Variants in SPIRE1 observed in about 807,000 individuals in gnomAD.
The protein encoded by SPIRE1 is protein spire homolog 1.
In SPIRE1, 40 loss-of-function variants were observed where a neutral mutation model predicts 94.1. The ratio of observed to expected loss-of-function variants is 0.43; its 90% CI spans 0.33 to 0.55. SPIRE1 has a LOEUF of 0.55. Among genes scored for constraint, SPIRE1 ranks in the 20% least tolerant of loss-of-function variants. The pLI is 0.06. For missense variants in SPIRE1, 838 were observed against 975.2 expected (o/e 0.86, Z 1.87); for synonymous variants, 376 against 371.7 (o/e 1.01, Z -0.13).
At chr18:12,587,550 T>G (rs943273618) in intron 2 of SPIRE1, among the ~76,000 whole-genome samples, 1 of 151,130 alleles carries the variant, frequency 6.6e-6, no homozygotes. Context: ...ACAAAACAGC[T>G]GATTCATCAA....
rs1180873589 is a variant in SPIRE1 at position 12,452,452 on chromosome 18, A to T, written c.1875+33T>A. ...CGTTAAAGAGGCAGTCACTAAAAGGAACACAAGTATAAATGAACCAAGCTT... is the reference window on the plus strand; with the variant it reads ...CGTTAAAGAGGCAGTCACTAAAAGGTACACAAGTATAAATGAACCAAGCTT... On this transcript the variant is annotated intron_variant, in intron 15 of 16. Transcript: ENST00000409402. 3.1e-6 allele frequency: 5 copies of T among 1,614,132 alleles called. No individual in the cohort carries two copies. The Admixed American group carries it at 8.3e-5, about 27-fold the overall frequency.
chr18:12,611,466 C>G (rs1227378178), intron 2 of SPIRE1, among the ~76,000 whole-genome samples: 1 of 152,194 alleles, frequency 6.6e-6, no homozygotes, highest in Non-Finnish European at 1.5e-5. Context: ...CTGCCAACAG[C>G]CAGATGAAGT....
chr18:12,574,293 G>T (rs146407870), intron 2 of SPIRE1, among the ~76,000 whole-genome samples: 1 of 152,124 alleles, frequency 6.6e-6, no homozygotes, highest in Non-Finnish European at 1.5e-5. Flanking sequence ...GTTAGAGAAC[G>T]GATTAAAAAT....
intron 10 of SPIRE1, 121 bp from the exon 11 acceptor site, chr18:12,465,079 A>C (rs1342353321): frequency 2.4e-6 from 2 of 817,256 alleles, no homozygotes; most frequent in African/African-American, 3.4e-5. Context: ...TCAAAGGTTC[A>C]AGGCAAGCAA....
chr18:12,517,404 ATCAAATATGTGGCTAGAAAGC>A (rs1303806337), intron 4 of SPIRE1, among the ~76,000 whole-genome samples: 6 of 152,250 alleles, frequency 3.9e-5, no homozygotes, highest in Non-Finnish European at 5.9e-5. Context: ...AACAAGCTTG[ATCAAATATGTGGCTAGAAAGC>A]TCAATTTTTC....
chr18:12,458,844 AT>A (rs1362005861), intron 12 of SPIRE1, among the ~76,000 whole-genome samples: 2 of 152,182 alleles, frequency 1.3e-5, no homozygotes, highest in Admixed American at 6.5e-5. Flanking sequence ...TTTTTCCTGC[AT>A]TTCATGACAA....
At chr18:12,594,861 C>T (rs1480047468) in intron 2 of SPIRE1, among the ~76,000 whole-genome samples, 2 of 152,214 alleles carry the variant, frequency 1.3e-5, no homozygotes, top group Non-Finnish European at 2.9e-5. Flanking sequence ...CCAATCCCTC[C>T]ACTTCCTCAG....
intron 5 of SPIRE1, among the ~76,000 whole-genome samples, chr18:12,508,951 A>G (rs2033933767): frequency 6.6e-6 from 1 of 152,238 alleles, no homozygotes; most frequent in Non-Finnish European, 1.5e-5. Context: ...CTGAGATTAC[A>G]GGCGTGAGGC....
At chr18:12,495,760 GCACACCTGTGGTC>G (rs2033433856) in intron 7 of SPIRE1, among the ~76,000 whole-genome samples, 1 of 152,032 alleles carries the variant, frequency 6.6e-6, no homozygotes, top group African/African-American at 2.4e-5. Flanking sequence ...GCATGGTGGT[GCACACCTGTGGTC>G]CCAGCTACTT....
chr18:12,617,744 C>T (rs1047789212), intron 2 of SPIRE1, among the ~76,000 whole-genome samples: 6 of 152,042 alleles, frequency 3.9e-5, no homozygotes, highest in East Asian at 1.9e-4. Flanking sequence ...TTAGTAGAGA[C>T]GAGGTTTCAC....
intron 2 of SPIRE1, among the ~76,000 whole-genome samples, chr18:12,598,454 T>C (rs1039673816): frequency 6.6e-6 from 1 of 152,114 alleles, no homozygotes; most frequent in Non-Finnish European, 1.5e-5. Context: ...CTGTTTACAC[T>C]GTTTTTTTTT....
intron 7 of SPIRE1, among the ~76,000 whole-genome samples, chr18:12,495,797 G>A (rs1298015752): frequency 2.0e-5 from 3 of 152,022 alleles, no homozygotes; most frequent in Admixed American, 2.0e-4. Flanking sequence ...AGGCTGAGGT[G>A]GGAGGATCAC....
chr18:12,648,719 G>A (rs2038292570), intron 1 of SPIRE1, among the ~76,000 whole-genome samples: 1 of 151,790 alleles, frequency 6.6e-6, no homozygotes, highest in African/African-American at 2.4e-5. Flanking sequence ...GAGAAACTCC[G>A]TCTCTACTAA....
At chr18:12,461,418 G>A (rs890638398) in intron 12 of SPIRE1, among the ~76,000 whole-genome samples, 1 of 146,010 alleles carries the variant, frequency 6.8e-6, no homozygotes, top group African/African-American at 2.7e-5. Flanking sequence ...ACATGTATGT[G>A]TGTGTGTGTG....
At chr18:12,540,737 A>T (rs914164704) in intron 3 of SPIRE1, among the ~76,000 whole-genome samples, 7 of 152,234 alleles carry the variant, frequency 4.6e-5, no homozygotes, top group Non-Finnish European at 8.8e-5. Flanking sequence ...TAGGATTTAA[A>T]TTACAGTAGT....
chr18:12,631,293 T>TATTA (rs1491357003), intron 2 of SPIRE1, among the ~76,000 whole-genome samples: 1 of 151,858 alleles, frequency 6.6e-6, no homozygotes, highest in African/African-American at 2.4e-5. Context: ...TTAAAATATG[T>TATTA]ATTAATTCAT....
intron 2 of SPIRE1, among the ~76,000 whole-genome samples, chr18:12,575,888 G>C (rs2036080683): frequency 1.3e-5 from 2 of 152,150 alleles, no homozygotes; most frequent in African/African-American, 4.8e-5. Context: ...GATTTTTAGA[G>C]AAATTGACAA....
intron 2 of SPIRE1, among the ~76,000 whole-genome samples, chr18:12,581,128 T>C (rs2036247167): frequency 2.6e-5 from 4 of 151,976 alleles, no homozygotes; most frequent in African/African-American, 7.2e-5. Flanking sequence ...CAAGTAATGA[T>C]AAAAAAGGAC....
upstream of SPIRE1, chr18:12,661,323 A>G (rs2038692116): frequency 1.0e-6 from 1 of 979,564 alleles, no homozygotes; most frequent in Non-Finnish European, 1.2e-6. Flanking sequence ...AAGAAGAAAA[A>G]AAATTGATAA....
Sources: allele counts gnomAD v4.1 joint callset (sites outside exome capture counted in the v4.1 genomes callset), GRCh38; gene constraint gnomAD v4.1.1; transcripts MANE v1.5; gene names NCBI Gene and HGNC (gene_info 2026-07-23, HGNC 2026-07-21).